The following UROC1 variants were observed in gnomAD, a reference collection of about 807,000 sequenced individuals.
UROC1 encodes urocanate hydratase.
In UROC1, 79 loss-of-function variants were observed where a neutral mutation model predicts 89.5. The ratio of observed to expected loss-of-function variants is 0.88; its 90% CI spans 0.74 to 1.06. The LOEUF (loss-of-function observed/expected upper bound fraction) is 1.06, where lower values mean the gene tolerates loss of function less well. Among genes scored for constraint, UROC1 ranks in the 50% least tolerant of loss-of-function variants. UROC1 has a pLI of 0.00. For missense variants in UROC1, 885 were observed against 907.8 expected (o/e 0.97, Z 0.32); for synonymous variants, 361 against 354.8 (o/e 1.02, Z -0.20).
rs1935913328 is a variant in UROC1, at chr3:126,501,227, A to G, written c.956T>C (p.Val319Ala). 1 of 1,614,022 alleles carries G rather than the reference A, an allele frequency of 6.2e-7. No individual in the cohort carries two copies. The highest frequency in any genetic ancestry group is 8.5e-7 in the Non-Finnish European group (1 of 1,180,032). Residue 319 changes from valine to alanine, a missense_variant, in exon 10 of 20, where the codon GTG (valine) becomes GCG (alanine). Transcript: ENST00000290868. ...CCCAACCCCCACTCACCAAAGAGCC[A>G]CCACGTTGCCATGGTAACCAAGGCT... ...VLSLGYHGNV[V>A]ALWERLVHEL...
intron 17 of UROC1, 36 bp from the exon 18 acceptor site, chr3:126,488,315 T>A: frequency 1.2e-6 from 2 of 1,612,052 alleles, no homozygotes; most frequent in Non-Finnish European, 1.7e-6. Context: ...CATCACCCCC[T>A]GCACTGGGTG....
intron 1 of UROC1, among the ~76,000 whole-genome samples, chr3:126,515,253 G>A (rs925139766): frequency 2.0e-5 from 3 of 152,000 alleles, no homozygotes; most frequent in Non-Finnish European, 4.4e-5. Flanking sequence ...AGGCATTGGC[G>A]CCCAGCAGGG....
chr3:126,508,164 C>T lies in UROC1; in HGVS notation c.412-69G>A, dbSNP rs1400413163. ...CACCCCACACCCAGCCCCACACCAC[C>T]GTCCACGCCTGGACAGCTCCCACAG... On this transcript the variant is annotated intron_variant, in intron 4 of 19. Transcript: ENST00000290868. 12 of 1,611,372 alleles carry T rather than the reference C, an allele frequency of 7.4e-6. No individual in the cohort carries two copies. The Admixed American group carries it at 1.3e-4, about 18-fold the overall frequency.
In UROC1 at chr3:126,500,157, G is replaced by T. The variant is rs2107542540; in HGVS notation, c.1146-3C>A. On this transcript the variant is annotated splice_polypyrimidine_tract_variant and splice_region_variant and intron_variant, in intron 11 of 19. Transcript: ENST00000290868. The stretch of plus-strand genomic sequence containing the variant: ...TGGCTGAGACTTGCCTCCTCAGGCT[G>T]CAACAAGCCATGGGTCAGCACCACC... The T allele has an allele frequency of 6.2e-7, 1 of 1,613,324 alleles. No homozygotes were observed. The highest frequency in any genetic ancestry group is 2.2e-5 in the East Asian group (1 of 44,864).
chr3:126,499,508 G>A (rs997972343), intron 12 of UROC1, 99 bp from the exon 13 acceptor site: 15 of 1,153,292 alleles, frequency 1.3e-5, no homozygotes, highest in Non-Finnish European at 1.9e-5. Context: ...GCTGGGGAAG[G>A]ATGCACAAGG....
chr3:126,490,576 T>A (rs1935624505), intron 16 of UROC1, among the ~76,000 whole-genome samples: 1 of 151,564 alleles, frequency 6.6e-6, no homozygotes, highest in South Asian at 2.1e-4. Flanking sequence ...TCACAGCTCG[T>A]CGGGGAGCTG....
rs371087691 is a variant in UROC1 at position 126,515,015 on chromosome 3, G to A, written c.126+2579C>T. On this transcript the variant is annotated intron_variant, in intron 1 of 19. Transcript: ENST00000290868. ...AGCAGCAGGACTCAGGGAGCCGCCCGTAGCCCTCAGAACTGCACCCGCTCC... is the reference window on the plus strand; with the variant it reads ...AGCAGCAGGACTCAGGGAGCCGCCCATAGCCCTCAGAACTGCACCCGCTCC... 4.6e-5 allele frequency among the ~76,000 whole-genome samples: 7 copies of A among 152,108 alleles called. No individual in the cohort carries two copies. In the East Asian group the frequency reaches 7.8e-4, roughly 17 times the overall value.
chr3:126,510,106 T>C (rs1408066933), intron 2 of UROC1, among the ~76,000 whole-genome samples: 4 of 152,126 alleles, frequency 2.6e-5, no homozygotes, highest in African/African-American at 4.8e-5. Flanking sequence ...CTGGGATGAC[T>C]CAAGGCAAGC....
intron 18 of UROC1, among the ~76,000 whole-genome samples, chr3:126,483,956 A>G (rs1046927959): frequency 6.6e-6 from 1 of 152,188 alleles, no homozygotes; most frequent in Non-Finnish European, 1.5e-5. Context: ...GCCTGAAGCA[A>G]TCCTCTTGCT....
At chr3:126,511,078 C>A (rs1285015681) in intron 1 of UROC1, among the ~76,000 whole-genome samples, 1 of 152,060 alleles carries the variant, frequency 6.6e-6, no homozygotes, top group East Asian at 1.9e-4. Context: ...GCGCTGCTTA[C>A]CCCCAGGCAG....
intron 14 of UROC1, among the ~76,000 whole-genome samples, chr3:126,496,316 G>A (rs527606076): frequency 4.8e-5 from 7 of 145,030 alleles, no homozygotes; most frequent in South Asian, 2.4e-4. Context: ...ATGCACAGCC[G>A]TGCAGCGCAC....
chr3:126,514,347 T>C (rs1220331457), intron 1 of UROC1, among the ~76,000 whole-genome samples: 1 of 152,186 alleles, frequency 6.6e-6, no homozygotes, highest in Non-Finnish European at 1.5e-5. Context: ...GGGGAAAAGG[T>C]CACCAGGAGA....
intron 14 of UROC1, 91 bp from the exon 15 acceptor site, chr3:126,496,199 C>T (rs1935772973): frequency 7.7e-7 from 1 of 1,302,052 alleles, no homozygotes; most frequent in East Asian, 2.5e-5. Context: ...AGACCCTGCC[C>T]CGAGCCCACC....
At position 126,498,172 on chromosome 3, in the gene UROC1, C is replaced by G. The variant is rs1935828508; in HGVS notation, c.1317G>C (p.Gly439=). ...GCCCAAATCCCTGGGAGAATATGTC[C>G]CTGCAAGCACAGATGCCTCCTCACC... is the stretch of plus-strand genomic sequence containing the variant. The part of the protein sequence containing the change: ...RYPSYVQHIM[G]DIFSQGFGPF... Residue 439 remains glycine, a splice_region_variant and synonymous_variant, in exon 14 of 20, where the codon GGG becomes GGC. Transcript: ENST00000290868. 1.2e-6 allele frequency: 2 copies of G among 1,614,038 alleles called. No individual in the cohort carries two copies. The highest frequency in any genetic ancestry group is 2.7e-5 in the African/African-American group (2 of 74,938).
chr3:126,509,818 G>A (rs1936156807), intron 2 of UROC1, 140 bp from the exon 3 acceptor site: 4 of 827,146 alleles, frequency 4.8e-6, no homozygotes, highest in African/African-American at 1.7e-5. Flanking sequence ...GTACAGTGGG[G>A]GCTCCAGAGC....
At position 126,494,160 on chromosome 3, in the gene UROC1, T is replaced by C. The variant is rs111944274; in HGVS notation, c.1510-1644A>G. Among the ~76,000 whole-genome samples the C allele has an allele frequency of 7.0e-3, 1,067 of 152,182 alleles. 6 individuals carry two copies. The highest frequency in any genetic ancestry group is 0.014 in the Middle Eastern group (4 of 294). The stretch of plus-strand genomic sequence containing the variant: ...GTCAAGAGGGTACATTAAAAGAAAA[T>C]AAATCAAAAAATTTTAAAAGGCAAC... On this transcript the variant is annotated intron_variant, in intron 15 of 19. Coordinates refer to ENST00000290868, the MANE Select transcript of UROC1 (RefSeq NM_144639.3).
intron 10 of UROC1, 88 bp downstream of exon 10, chr3:126,501,130 T>C (rs1177565): frequency 0.91 from 1,284,938 of 1,413,248 alleles, 585,208 homozygotes; most frequent in East Asian, 0.95. Flanking sequence ...CTTTGTGTCC[T>C]GGCAGCTCCT....
At chr3:126,501,005 G>C (rs1010753820) in intron 10 of UROC1, 131 bp from the exon 11 acceptor site, 1 of 1,383,962 alleles carries the variant, frequency 7.2e-7, no homozygotes, top group African/African-American at 1.4e-5. Context: ...GCCAGACCCT[G>C]CTTTCCCCCT....
intron 1 of UROC1, 143 bp from the exon 2 acceptor site, chr3:126,510,937 C>G (rs1470254652): frequency 7.6e-7 from 1 of 1,307,528 alleles, no homozygotes; most frequent in Non-Finnish European, 1.0e-6. Context: ...ACTGTTCTCA[C>G]CCCAGGCCCA....
Sources: allele counts gnomAD v4.1 joint callset (sites outside exome capture counted in the v4.1 genomes callset), GRCh38; gene constraint gnomAD v4.1.1; transcripts MANE v1.5; gene names NCBI Gene and HGNC (gene_info 2026-07-23, HGNC 2026-07-21).